The following DNAH8 variants were observed in gnomAD, a reference collection of about 807,000 sequenced individuals.
DNAH8 encodes dynein axonemal heavy chain 8.
In DNAH8, 382 loss-of-function variants were observed where a neutral mutation model predicts 562.1. The observed-to-expected ratio is 0.68, with a 90% CI of 0.63 to 0.74. The LOEUF is 0.74. Among genes scored for constraint, DNAH8 ranks in the 30% least tolerant of loss-of-function variants. DNAH8 has a pLI of 0.00. For synonymous variants in DNAH8, 1,881 were observed against 1,919.4 expected, an observed-to-expected ratio of 0.98 and a Z score of 0.52; for missense variants, 5,203 against 5,620.4, an observed-to-expected ratio of 0.93 and a Z score of 2.37.
chr6:38,822,987 C>G lies in DNAH8; in HGVS notation c.3673C>G (p.Gln1225Glu), dbSNP rs1773008504. 3 of 1,610,038 alleles carry G rather than the reference C, an allele frequency of 1.9e-6. No individual in the cohort carries two copies. Among genetic ancestry groups the G allele is most frequent in the Middle Eastern group, 3.3e-4 (2 of 6,048 alleles). Residue 1225 changes from glutamine to glutamate, a missense_variant, in exon 27 of 93, where the codon CAG (glutamine) becomes GAG (glutamate). Gln to Glu is a conservative substitution (Grantham distance 29). Coordinates refer to ENST00000327475, the MANE Select transcript of DNAH8 (RefSeq NM_001206927.2). ...AGCTCATGAGGCCCTGCAGGACTTT[C>G]AGAAGTACAAGACTCTCTGGACAGA... Reference protein sequence around the residue: ...KAAHEALQDFQKYKTLWTEDR... With the variant: ...KAAHEALQDFEKYKTLWTEDR...
chr6:38,791,136 G>A (rs1224265521), intron 20 of DNAH8, among the ~76,000 whole-genome samples: 1 of 152,210 alleles, frequency 6.6e-6, no homozygotes, highest in Non-Finnish European at 1.5e-5. Context: ...GCTGGTCTGT[G>A]TGTCATGGCA....
In DNAH8 at chr6:38,929,543, A is replaced by G; in HGVS notation, c.11151A>G (p.Thr3717=). 6.2e-7 allele frequency: 1 copy of G among 1,612,524 alleles called. No homozygotes were observed. Among genetic ancestry groups the G allele is most frequent in the African/African-American group, 1.3e-5 (1 of 74,946 alleles). ...CTCTGAACCATAAATATTTTCGCAC[A>G]CACTTGGAGGACAGCCTTTCCTTGG... ...VTSLNHKYFR[T]HLEDSLSLGR... The change falls in exon 75 of 93, where the codon ACA becomes ACG. Residue 3717 remains threonine, a synonymous_variant. Transcript: ENST00000327475.
At chr6:38,846,247 G>T (rs1775294490) in intron 36 of DNAH8, among the ~76,000 whole-genome samples, 1 of 152,114 alleles carries the variant, frequency 6.6e-6, no homozygotes, top group Non-Finnish European at 1.5e-5. Context: ...CATTTTTTAT[G>T]GTGAAAAGAG....
Position 38,789,838 on chromosome 6 carries a change from A to G in DNAH8, c.2619A>G (p.Glu873=). The change falls in exon 19 of 93, where the codon GAA becomes GAG. Residue 873 remains glutamate (E), a synonymous_variant. Coordinates refer to ENST00000327475, the MANE Select transcript of DNAH8 (RefSeq NM_001206927.2). ...AATATTATGATGAGTTATGTCAGGA[A>G]GTGCCTTCTGTGTTTGTCAATCTGA... ...LLQYYDELCQ[E]VPSVFVNLMT... 1 of 1,613,350 alleles carries G rather than the reference A, an allele frequency of 6.2e-7. No homozygotes were observed. Among genetic ancestry groups the G allele is most frequent in the Admixed American group, 1.7e-5 (1 of 59,876 alleles).
In DNAH8 at chr6:38,990,182, T is replaced by G; in HGVS notation, c.13214+10T>G. The stretch of plus-strand genomic sequence containing the variant: ...CTAATGCTGATATCACGTAAGTCCC[T>G]GGCATTTTTTAATTTGAAGGGGTCA... On this transcript the variant is annotated intron_variant, in intron 88 of 92. Transcript: ENST00000327475. The G allele has an allele frequency of 6.3e-7, 1 of 1,580,900 alleles. No homozygotes were observed. The highest frequency in any genetic ancestry group is 8.6e-7 in the Non-Finnish European group (1 of 1,162,630).
chr6:39,009,464 A>G (rs1766033845), intron 89 of DNAH8, among the ~76,000 whole-genome samples: 1 of 152,194 alleles, frequency 6.6e-6, no homozygotes, highest in South Asian at 2.1e-4. Context: ...AGGGTAGAAC[A>G]ATTAGTGGAG....
intron 4 of DNAH8, among the ~76,000 whole-genome samples, chr6:38,731,499 T>A (rs1763655241): frequency 6.6e-6 from 1 of 152,186 alleles, no homozygotes; most frequent in African/African-American, 2.4e-5. Context: ...GATCTCTCAG[T>A]AGAATTTAGG....
rs80291368 is a variant in DNAH8 at position 38,883,592 on chromosome 6, G to A, written c.8136+136G>A. The A allele has an allele frequency of 0.011, 11,131 of 1,060,048 alleles. 581 individuals are homozygous for A. The East Asian group carries it at 0.13, about 13-fold the overall frequency. 65.7% of individuals were successfully genotyped at this position (1,060,048 alleles called of 1,614,324 possible). On this transcript the variant is annotated intron_variant, in intron 55 of 92. Transcript: ENST00000327475. Reference sequence around the variant, plus strand: ...ATCATGCTGCACTTGGCATTCAGCTGTTTAGCTTTCCTAAGGCTAAGGTTG... The same window carrying A: ...ATCATGCTGCACTTGGCATTCAGCTATTTAGCTTTCCTAAGGCTAAGGTTG...
intron 48 of DNAH8, among the ~76,000 whole-genome samples, chr6:38,869,175 T>C (rs1777282442): frequency 6.6e-6 from 1 of 152,236 alleles, no homozygotes; most frequent in African/African-American, 2.4e-5. Flanking sequence ...TCGTCTTATT[T>C]GAGCCTCACA....
At chr6:39,022,314 C>T (rs1234267515) in intron 91 of DNAH8, among the ~76,000 whole-genome samples, 3 of 152,180 alleles carry the variant, frequency 2.0e-5, no homozygotes, top group African/African-American at 7.2e-5. Context: ...TTTTATCTGC[C>T]TTCACGGTAC....
At position 38,715,944 on chromosome 6, in the gene DNAH8, ATATATATATATATATAT is replaced by A. The variant is rs1409037914; in HGVS notation, c.-35+531_-35+547del. Among the ~76,000 whole-genome samples, 10 of 22,458 alleles carry A rather than the reference ATATATATATATATATAT, an allele frequency of 4.5e-4. 1 individual carries two copies. Among genetic ancestry groups the A allele is most frequent in the Non-Finnish European group, 7.6e-4 (10 of 13,214 alleles). The allele number at this position is 22,458 out of a possible 152,430, so 14.7% of individuals were successfully genotyped here. ...TAAATAAATATATATATATATATAT[ATATATATATATATATAT>A]TTTTTTTTTTTTTTTGAGACGGAGT... On this transcript the variant is annotated intron_variant, in intron 1 of 92. Transcript: ENST00000327475.
intron 57 of DNAH8, among the ~76,000 whole-genome samples, chr6:38,890,081 G>C (rs1209137550): frequency 6.6e-6 from 1 of 152,142 alleles, no homozygotes; most frequent in African/African-American, 2.4e-5. Flanking sequence ...ACTTTGCTGG[G>C]TGTTCCCTAG....
intron 58 of DNAH8, among the ~76,000 whole-genome samples, chr6:38,893,116 TC>T (rs1779448230): frequency 6.6e-6 from 1 of 152,214 alleles, no homozygotes; most frequent in Non-Finnish European, 1.5e-5. Flanking sequence ...GAGTTAGCTG[TC>T]CTCTGTTTAC....
chr6:38,737,502 AC>A lies in DNAH8; in HGVS notation c.952+248del, dbSNP rs887113505. Among the ~76,000 whole-genome samples the A allele has an allele frequency of 1.0e-3, 157 of 151,808 alleles. 2 individuals are homozygous for A. The highest frequency in any genetic ancestry group is 3.6e-3 in the African/African-American group (151 of 41,536). Reference sequence around the variant, plus strand: ...TTCTATAATATTAATGAAAATTTTCACCATATTAAAATATATACTTTATTAT... The same window carrying A: ...TTCTATAATATTAATGAAAATTTTCACATATTAAAATATATACTTTATTAT... On this transcript the variant is annotated intron_variant, in intron 6 of 92. Coordinates refer to ENST00000327475, the MANE Select transcript of DNAH8 (RefSeq NM_001206927.2).
rs78849281 is a variant in DNAH8, at chr6:39,012,311, C to T, written c.13468C>T (p.Arg4490Cys). 2.6e-3 allele frequency: 4,272 copies of T among 1,612,844 alleles called. 100 individuals are homozygous for T. In the East Asian group the frequency reaches 0.032, roughly 12 times the overall value. The change falls in exon 90 of 93, where the codon CGC (arginine) becomes TGC (cysteine). Residue 4490 changes from arginine to cysteine, a missense_variant. Coordinates refer to ENST00000327475, the MANE Select transcript of DNAH8 (RefSeq NM_001206927.2). ...AATGCAAAGAGTCATTTCAATACTC[C>T]GCAGTAGCCTGAGTGATCTAAAATT... ...DRMQRVISIL[R>C]SSLSDLKLAI...
chr6:38,915,988 A>G (rs1781288932), intron 68 of DNAH8, among the ~76,000 whole-genome samples: 2 of 152,294 alleles, frequency 1.3e-5, no homozygotes, highest in South Asian at 4.1e-4. Context: ...CATATAGATG[A>G]TCTGGAGTAA....
At chr6:38,848,866 A>G in intron 37 of DNAH8, 65 bp downstream of exon 37, 3 of 1,504,604 alleles carry the variant, frequency 2.0e-6, no homozygotes, top group East Asian at 2.3e-5. Context: ...TGTCTCTGTA[A>G]AAGTCTTCAC....
At chr6:38,899,145 G>A (rs1170686656) in intron 61 of DNAH8, among the ~76,000 whole-genome samples, 2 of 152,056 alleles carry the variant, frequency 1.3e-5, no homozygotes, top group East Asian at 1.9e-4. Context: ...CAGCTTTTTA[G>A]CAATGTCTTC....
chr6:38,937,194 G>C (rs1468341957), intron 77 of DNAH8, among the ~76,000 whole-genome samples: 1 of 144,078 alleles, frequency 6.9e-6, no homozygotes, highest in Non-Finnish European at 1.6e-5. Flanking sequence ...TCACACACTG[G>C]GGCCTGTCGG....
Sources: allele counts gnomAD v4.1 joint callset (sites outside exome capture counted in the v4.1 genomes callset), GRCh38; gene constraint gnomAD v4.1.1; transcripts MANE v1.5; gene names NCBI Gene and HGNC (gene_info 2026-07-23, HGNC 2026-07-21).